The following LIFR variants were observed in gnomAD, a reference collection of about 807,000 sequenced individuals.
LIFR encodes the protein LIF receptor subunit alpha.
In LIFR, 84 loss-of-function variants were observed where a neutral mutation model predicts 122.2. That is an observed-to-expected ratio of 0.69 (90% CI 0.58 to 0.82). LIFR has a LOEUF of 0.82. Ranked by LOEUF, LIFR falls within the 40% of genes least tolerant of loss-of-function variation. The probability of loss-of-function intolerance (pLI) is 0.00; values close to 1 mark genes in which losing one functional copy is unlikely to be tolerated. For synonymous variants in LIFR, 422 were observed against 434.7 expected (o/e 0.97, Z 0.36); for missense variants, 1,294 against 1,311.6 (o/e 0.99, Z 0.21).
intron 1 of LIFR, among the ~76,000 whole-genome samples, chr5:38,532,412 A>C (rs1561183865): frequency 6.6e-6 from 1 of 152,216 alleles, no homozygotes. Context: ...CAGGATCCAC[A>C]TAAGAGACTT....
At chr5:38,533,007 C>A (rs1305266939) in intron 1 of LIFR, among the ~76,000 whole-genome samples, 1 of 152,202 alleles carries the variant, frequency 6.6e-6, no homozygotes, top group Non-Finnish European at 1.5e-5. Flanking sequence ...GTGTTCACAG[C>A]AGGTGCAAAC....
intron 1 of LIFR, among the ~76,000 whole-genome samples, chr5:38,565,803 G>A (rs112905229): frequency 6.6e-6 from 1 of 151,934 alleles, no homozygotes; most frequent in Non-Finnish European, 1.5e-5. Context: ...GGCTGGTCTC[G>A]AACTCCAGAC....
intron 6 of LIFR, among the ~76,000 whole-genome samples, chr5:38,511,112 A>C (rs1308779738): frequency 6.6e-6 from 1 of 152,182 alleles, no homozygotes; most frequent in Non-Finnish European, 1.5e-5. Context: ...TAATTAAATA[A>C]TTCCATTCCT....
At position 38,476,586 on chromosome 5, in the gene LIFR, T is replaced by A. The variant is rs1310566791; in HGVS notation, c.*5009A>T. ...CAATCTTAGAAGATGCATGTAAATATAATATAAATCAACTTTCTTATCAAT... is the reference window on the plus strand; with the variant it reads ...CAATCTTAGAAGATGCATGTAAATAAAATATAAATCAACTTTCTTATCAAT... On this transcript the variant is annotated 3_prime_UTR_variant, in exon 20 of 20. Transcript: ENST00000453190. 2 of 204,298 alleles carry A rather than the reference T, an allele frequency of 9.8e-6. No individual in the cohort carries two copies. The highest frequency in any genetic ancestry group is 2.0e-5 in the Non-Finnish European group (2 of 99,942). 12.7% of individuals were successfully genotyped at this position (204,298 alleles called of 1,614,324 possible).
At chr5:38,527,042 G>A in intron 4 of LIFR, 113 bp downstream of exon 4, 2 of 948,426 alleles carry the variant, frequency 2.1e-6, no homozygotes, top group Non-Finnish European at 3.1e-6. Context: ...AGGTTGCTGA[G>A]TGAATTAAAA....
intron 1 of LIFR, chr5:38,550,336 G>T: frequency 4.1e-6 from 2 of 484,916 alleles, no homozygotes; most frequent in Non-Finnish European, 5.4e-6. Flanking sequence ...ATAAATGCTA[G>T]ATTTTAAAGC....
Position 38,527,232 on chromosome 5 carries a change from T to A in LIFR, c.320A>T (p.Asp107Val). Residue 107 changes from aspartate (D) to valine (V), a missense_variant, in exon 4 of 20, where the codon GAT becomes GTT. By Grantham distance (152) the Asp-to-Val change is radical. Coordinates refer to ENST00000453190, the MANE Select transcript of LIFR (RefSeq NM_001127671.2). The part of the protein sequence containing the change: ...SIKIPALSHG[D>V]YEITINSLHD... The stretch of plus-strand genomic sequence containing the variant: ...TAGAGAATTTATTGTTATTTCATAA[T>A]CACCATGTGAAAGAGCTGGAATTTT... 6.3e-7 allele frequency: 1 copy of A among 1,595,126 alleles called. No individual in the cohort carries two copies. The highest frequency in any genetic ancestry group is 8.6e-7 in the Non-Finnish European group (1 of 1,163,278).
chr5:38,523,014 T>C (rs1157066555), intron 5 of LIFR, among the ~76,000 whole-genome samples: 1 of 152,102 alleles, frequency 6.6e-6, no homozygotes, highest in Non-Finnish European at 1.5e-5. Context: ...CTTATAGATT[T>C]ATAAAAAAAA....
At chr5:38,507,356 G>T (rs879477107) in intron 7 of LIFR, among the ~76,000 whole-genome samples, 6 of 151,748 alleles carry the variant, frequency 4.0e-5, no homozygotes, top group Non-Finnish European at 8.8e-5. Context: ...CTGAAGTCAG[G>T]AGTTTGAGAC....
intron 1 of LIFR, among the ~76,000 whole-genome samples, chr5:38,537,665 T>TA (rs1156433510): frequency 8.7e-3 from 90 of 10,384 alleles, no homozygotes; most frequent in African/African-American, 0.032. Flanking sequence ...AGGATTGTCT[T>TA]TAAAAAAAAA....
intron 1 of LIFR, among the ~76,000 whole-genome samples, chr5:38,547,501 G>T (rs979643665): frequency 1.3e-5 from 2 of 151,924 alleles, no homozygotes; most frequent in Admixed American, 1.3e-4. Context: ...TTATTTGGCC[G>T]TATGAGGAAA....
intron 12 of LIFR, 111 bp from the exon 13 acceptor site, chr5:38,496,706 CG>C (rs1247364317): frequency 2.7e-5 from 21 of 791,744 alleles, no homozygotes; most frequent in Non-Finnish European, 4.4e-5. Context: ...GTTGGCCAGG[CG>C]TGGTGACTCA....
intron 4 of LIFR, among the ~76,000 whole-genome samples, chr5:38,526,318 C>T (rs1452751152): frequency 6.6e-6 from 1 of 152,030 alleles, no homozygotes; most frequent in Admixed American, 6.6e-5. Flanking sequence ...CATTCTGCTT[C>T]AGAATGACCC....
At chr5:38,584,355 C>T (rs866585332) in intron 1 of LIFR, among the ~76,000 whole-genome samples, 1 of 152,062 alleles carries the variant, frequency 6.6e-6, no homozygotes, top group Non-Finnish European at 1.5e-5. Flanking sequence ...TGGGTATACA[C>T]ACAAAGATGA....
intron 1 of LIFR, among the ~76,000 whole-genome samples, chr5:38,587,925 AGGCCCT>A (rs1221913259): frequency 6.6e-6 from 1 of 152,210 alleles, no homozygotes; most frequent in African/African-American, 2.4e-5. Context: ...AGGGATTCAA[AGGCCCT>A]GGCCTGGAGA....
rs1299949443 is a variant in LIFR, at chr5:38,504,018, T to TA, written c.1394dup (p.Leu465PhefsTer3). ...TAGATTTCTTAATTTCAATTTCACA[T>TA]AAAAAATTAATCTTTGCAAAGTTGC... On this transcript the variant is annotated frameshift_variant, in exon 10 of 20. Transcript: ENST00000453190. LOFTEE classifies it high-confidence loss of function. 1 of 1,587,178 alleles carries TA rather than the reference T, an allele frequency of 6.3e-7. No homozygotes were observed. Among genetic ancestry groups the TA allele is most frequent in the Non-Finnish European group, 8.7e-7 (1 of 1,155,850 alleles).
intron 1 of LIFR, among the ~76,000 whole-genome samples, chr5:38,564,093 T>C (rs1295442655): frequency 6.6e-6 from 1 of 152,212 alleles, no homozygotes; most frequent in Non-Finnish European, 1.5e-5. Context: ...CTTTCTCTCC[T>C]GCATTCCTGT....
chr5:38,516,833 T>C (rs977488066), intron 5 of LIFR, among the ~76,000 whole-genome samples: 2 of 151,984 alleles, frequency 1.3e-5, no homozygotes, highest in African/African-American at 4.8e-5. Context: ...ATAGACTGGA[T>C]GAAGAAAATG....
chr5:38,517,856 C>CAAAAAAAAAAAAAAAAAA (rs572954936), intron 5 of LIFR, among the ~76,000 whole-genome samples: 28 of 15,044 alleles, frequency 1.9e-3, no homozygotes, highest in South Asian at 3.4e-3. Context: ...GACACTGTCT[C>CAAAAAAAAAAAAAAAAAA]AAAAAAAAAA....
Sources: allele counts gnomAD v4.1 joint callset (sites outside exome capture counted in the v4.1 genomes callset), GRCh38; gene constraint gnomAD v4.1.1; transcripts MANE v1.5; gene names NCBI Gene and HGNC (gene_info 2026-07-23, HGNC 2026-07-21).